The following RPH3A variants were observed in gnomAD, a reference collection of about 807,000 sequenced individuals.
The protein encoded by RPH3A is rabphilin-3A.
In RPH3A, 48 loss-of-function variants were observed where a neutral mutation model predicts 102.2. The ratio of observed to expected loss-of-function variants is 0.47; its 90% CI spans 0.37 to 0.60. RPH3A has a LOEUF of 0.60. RPH3A is among the 20% of genes least tolerant of loss of function. RPH3A has a pLI of 0.00. For missense variants in RPH3A, 781 were observed against 910.1 expected, an observed-to-expected ratio of 0.86 and a Z score of 1.83; for synonymous variants, 310 against 324.3, an observed-to-expected ratio of 0.96 and a Z score of 0.47.
intron 1 of RPH3A, among the ~76,000 whole-genome samples, chr12:112,719,535 A>G (rs1270169988): frequency 2.6e-5 from 4 of 152,192 alleles, no homozygotes; most frequent in African/African-American, 9.7e-5. Flanking sequence ...GAGCTTGTCT[A>G]ATGGTCTTCC....
At chr12:112,577,729 G>C (rs2039369804) in intron 1 of RPH3A, among the ~76,000 whole-genome samples, 1 of 148,640 alleles carries the variant, frequency 6.7e-6, no homozygotes, top group South Asian at 2.1e-4. Flanking sequence ...TTTTTGTAGA[G>C]ATGGGGCCTC....
chr12:112,846,013 G>T (rs1431472540), intron 4 of RPH3A, among the ~76,000 whole-genome samples: 1 of 152,150 alleles, frequency 6.6e-6, no homozygotes, highest in African/African-American at 2.4e-5. Context: ...GGGCATTTAA[G>T]ATTGAGCAGA....
intron 1 of RPH3A, among the ~76,000 whole-genome samples, chr12:112,654,973 G>A (rs2040000171): frequency 6.6e-6 from 1 of 152,090 alleles, no homozygotes; most frequent in Non-Finnish European, 1.5e-5. Context: ...AATTCAGGAC[G>A]GCATCATCCA....
intron 2 of RPH3A, among the ~76,000 whole-genome samples, chr12:112,816,011 CAG>C (rs2041665508): frequency 6.6e-6 from 1 of 152,176 alleles, no homozygotes; most frequent in Admixed American, 6.5e-5. Flanking sequence ...ACAGGGCTCA[CAG>C]AGACTCCCAT....
At chr12:112,841,173 TA>T (rs11447068) in intron 4 of RPH3A, among the ~76,000 whole-genome samples, 54 of 33,354 alleles carry the variant, frequency 1.6e-3, no homozygotes, top group South Asian at 7.2e-3. Context: ...CCTTGTTTCT[TA>T]AAAAAAAAAA....
chr12:112,789,246 G>A (rs1486894957), upstream of RPH3A, among the ~76,000 whole-genome samples: 1 of 152,214 alleles, frequency 6.6e-6, no homozygotes, highest in Non-Finnish European at 1.5e-5. Flanking sequence ...GCATCTGAAA[G>A]GCTTGCATTC....
At chr12:112,618,967 C>A (rs1209021321) in intron 1 of RPH3A, among the ~76,000 whole-genome samples, 1 of 152,154 alleles carries the variant, frequency 6.6e-6, no homozygotes, top group Non-Finnish European at 1.5e-5. Flanking sequence ...TGTCCTTTTG[C>A]GACTGGCGTC....
intron 5 of RPH3A, among the ~76,000 whole-genome samples, chr12:112,859,622 C>T (rs982942132): frequency 6.6e-6 from 1 of 152,188 alleles, no homozygotes; most frequent in Non-Finnish European, 1.5e-5. Context: ...CACAATCCTG[C>T]ACTCTGGGTT....
chr12:112,787,268 G>A (rs1200100875), upstream of RPH3A, among the ~76,000 whole-genome samples: 1 of 152,172 alleles, frequency 6.6e-6, no homozygotes, highest in African/African-American at 2.4e-5. Flanking sequence ...TGAAAATGTG[G>A]ACATCTTTTG....
intron 1 of RPH3A, among the ~76,000 whole-genome samples, chr12:112,773,924 G>C (rs1024266922): frequency 4.6e-5 from 7 of 151,832 alleles, no homozygotes; most frequent in African/African-American, 1.7e-4. Flanking sequence ...TCTACTAAAA[G>C]TATAAAAATT....
At position 112,613,348 on chromosome 12, in the gene RPH3A, T is replaced by C. The variant is rs372705250; in HGVS notation, c.-140+38029T>C. On this transcript the variant is annotated intron_variant, in intron 1 of 21. Transcript: ENST00000543106. ...AAGGAGGTGTCAGGGATATTCTTGG[T>C]GGCCTCGCGGTTCTAAGAATGGACT... 2.0e-5 allele frequency among the ~76,000 whole-genome samples: 3 copies of C among 152,086 alleles called. No individual in the cohort carries two copies. In the East Asian group the frequency reaches 5.8e-4, roughly 29 times the overall value.
At chr12:112,740,376 A>G (rs951809953) in intron 1 of RPH3A, among the ~76,000 whole-genome samples, 1 of 152,176 alleles carries the variant, frequency 6.6e-6, no homozygotes, top group African/African-American at 2.4e-5. Context: ...ACTTTTTTGA[A>G]AAGTGTTGGT....
At chr12:112,710,252 A>T (rs2040451688) in intron 1 of RPH3A, among the ~76,000 whole-genome samples, 1 of 152,188 alleles carries the variant, frequency 6.6e-6, no homozygotes, top group Non-Finnish European at 1.5e-5. Context: ...CTGGGATTAC[A>T]GGCTTGAGCC....
chr12:112,804,506 C>T (rs939097357), intron 2 of RPH3A, among the ~76,000 whole-genome samples: 16 of 152,226 alleles, frequency 1.1e-4, no homozygotes, highest in African/African-American at 3.6e-4. Context: ...TTCTTTAGCC[C>T]CATCCATTGG....
At chr12:112,580,332 A>G (rs2039388883) in intron 1 of RPH3A, among the ~76,000 whole-genome samples, 1 of 151,190 alleles carries the variant, frequency 6.6e-6, no homozygotes, top group African/African-American at 2.4e-5. Flanking sequence ...CATGACTATA[A>G]AAGGGTGCTC....
intron 13 of RPH3A, among the ~76,000 whole-genome samples, chr12:112,877,375 C>T (rs541637859): frequency 6.6e-6 from 1 of 151,924 alleles, no homozygotes; most frequent in Non-Finnish European, 1.5e-5. Flanking sequence ...CACCCAGGCC[C>T]CAAGTCCCAG....
At chr12:112,653,292 C>A (rs2039988946) in intron 1 of RPH3A, among the ~76,000 whole-genome samples, 1 of 151,260 alleles carries the variant, frequency 6.6e-6, no homozygotes, top group Non-Finnish European at 1.5e-5. Flanking sequence ...ATTGCTTGAA[C>A]CCGGGAGGCA....
intron 1 of RPH3A, among the ~76,000 whole-genome samples, chr12:112,706,471 G>A (rs901661113): frequency 2.6e-5 from 4 of 152,106 alleles, no homozygotes; most frequent in Non-Finnish European, 2.9e-5. Flanking sequence ...GATGCTTGCT[G>A]GGATCACTTT....
intron 1 of RPH3A, among the ~76,000 whole-genome samples, chr12:112,654,434 T>C (rs2039996765): frequency 1.3e-5 from 2 of 152,122 alleles, no homozygotes; most frequent in South Asian, 2.1e-4. Flanking sequence ...CCTGCTCCAG[T>C]TCCAACTTCT....
Sources: allele counts gnomAD v4.1 joint callset (sites outside exome capture counted in the v4.1 genomes callset), GRCh38; gene constraint gnomAD v4.1.1; transcripts MANE v1.5; gene names NCBI Gene and HGNC (gene_info 2026-07-23, HGNC 2026-07-21).